The following RANBP2 variants were observed in gnomAD, a reference collection of about 807,000 sequenced individuals.
RANBP2 encodes the protein E3 SUMO-protein ligase RanBP2.
A neutral mutation model predicts 303.6 loss-of-function variants in RANBP2; 57 were observed. The ratio of observed to expected loss-of-function variants is 0.19; its 90% CI spans 0.15 to 0.23. The LOEUF (loss-of-function observed/expected upper bound fraction) is 0.23. Among genes scored for constraint, RANBP2 ranks in the 10% least tolerant of loss-of-function variants. The pLI, the probability that RANBP2 is intolerant of heterozygous loss-of-function variation, is 1.00. For missense variants in RANBP2, 3,138 were observed against 3,780.8 expected (o/e 0.83, Z 4.46); for synonymous variants, 1,167 against 1,301.5 (o/e 0.90, Z 2.23).
the RANBP2 span, among the ~76,000 whole-genome samples, chr2:109,330,296 C>T: frequency 2.0e-5 from 3 of 152,166 alleles, no homozygotes; most frequent in East Asian, 1.9e-4. Context: ...GATGTTATTG[C>T]GAAACTAAAG....
intron 1 of RANBP2, among the ~76,000 whole-genome samples, chr2:108,727,569 T>G (rs2149090609): frequency 6.6e-6 from 1 of 151,814 alleles, no homozygotes. Context: ...ATACTCTTTA[T>G]CACATGGATG....
the RANBP2 span, among the ~76,000 whole-genome samples, chr2:109,495,455 T>G: frequency 6.7e-6 from 1 of 150,220 alleles, no homozygotes; most frequent in Non-Finnish European, 1.5e-5. Flanking sequence ...ACCGGCCATT[T>G]CATCCTGAAT....
At chr2:109,433,985 A>G in the RANBP2 span, among the ~76,000 whole-genome samples, 5 of 152,148 alleles carry the variant, frequency 3.3e-5, no homozygotes, top group Non-Finnish European at 5.9e-5. Context: ...TGACTTGCCC[A>G]GTGTGCGCAG....
chr2:109,361,941 T>C, the RANBP2 span, among the ~76,000 whole-genome samples: 5 of 152,220 alleles, frequency 3.3e-5, no homozygotes, highest in African/African-American at 1.2e-4. Context: ...ATTCCTGATA[T>C]TAGTACTTTG....
the RANBP2 span, among the ~76,000 whole-genome samples, chr2:109,549,500 A>G: frequency 1.3e-5 from 2 of 152,216 alleles, no homozygotes; most frequent in Non-Finnish European, 2.9e-5. Flanking sequence ...TTCCATACAC[A>G]TGAAGCATGC....
At chr2:109,391,800 C>A in the RANBP2 span, among the ~76,000 whole-genome samples, 1 of 152,156 alleles carries the variant, frequency 6.6e-6, no homozygotes, top group Non-Finnish European at 1.5e-5. Flanking sequence ...ATTTGCCTGA[C>A]CCACTTTTCA....
At chr2:108,759,871 TC>T (rs960609057) in intron 18 of RANBP2, among the ~76,000 whole-genome samples, 1 of 152,194 alleles carries the variant, frequency 6.6e-6, no homozygotes, top group Non-Finnish European at 1.5e-5. Context: ...GATCTTCTGT[TC>T]TTATACAAGC....
the RANBP2 span, among the ~76,000 whole-genome samples, chr2:109,093,894 G>T: frequency 6.6e-6 from 1 of 152,186 alleles, no homozygotes; most frequent in Non-Finnish European, 1.5e-5. Flanking sequence ...CCCATTCTGG[G>T]AAAACCTCTG....
chr2:109,047,774 G>A, the RANBP2 span, among the ~76,000 whole-genome samples: 4 of 152,214 alleles, frequency 2.6e-5, no homozygotes, highest in South Asian at 2.1e-4. Context: ...GCGCCATTGC[G>A]CTCCAGCCTG....
the RANBP2 span, among the ~76,000 whole-genome samples, chr2:109,404,660 C>A: frequency 6.6e-6 from 1 of 152,110 alleles, no homozygotes; most frequent in African/African-American, 2.4e-5. Context: ...GCAGAGCTGA[C>A]CCCTCTCCCA....
chr2:109,267,160 C>T, the RANBP2 span, among the ~76,000 whole-genome samples: 22 of 152,168 alleles, frequency 1.4e-4, no homozygotes, highest in African/African-American at 4.8e-4. Flanking sequence ...GAGTTGCTTC[C>T]GATCGGTGAT....
chr2:108,818,981 T>C, the RANBP2 span, among the ~76,000 whole-genome samples: 1 of 152,166 alleles, frequency 6.6e-6, no homozygotes, highest in Non-Finnish European at 1.5e-5. Context: ...TGGAATATTA[T>C]CAAAGAAATT....
the RANBP2 span, among the ~76,000 whole-genome samples, chr2:109,588,398 G>A: frequency 1.9e-4 from 29 of 152,086 alleles, no homozygotes; most frequent in Admixed American, 1.2e-3. Flanking sequence ...ATGTGTTACA[G>A]GTTACATGCA....
chr2:109,119,846 A>G, the RANBP2 span, among the ~76,000 whole-genome samples: 2 of 152,258 alleles, frequency 1.3e-5, no homozygotes, highest in African/African-American at 4.8e-5. Flanking sequence ...ACAAGGAGAT[A>G]CCTCATCAGA....
the RANBP2 span, among the ~76,000 whole-genome samples, chr2:109,355,794 C>A: frequency 6.6e-6 from 1 of 152,296 alleles, no homozygotes; most frequent in Middle Eastern, 3.4e-3. Context: ...ATATACAAAG[C>A]CCATTTGGTG....
the RANBP2 span, among the ~76,000 whole-genome samples, chr2:108,964,172 T>A: frequency 1.3e-5 from 2 of 152,174 alleles, no homozygotes; most frequent in African/African-American, 4.8e-5. Flanking sequence ...CCCTCCCACC[T>A]CCTGAAATGC....
At chr2:108,854,424 A>G in the RANBP2 span, among the ~76,000 whole-genome samples, 1 of 152,034 alleles carries the variant, frequency 6.6e-6, no homozygotes, top group African/African-American at 2.4e-5. Context: ...TTCCACTACA[A>G]TTATTTTTTA....
chr2:109,603,227 CATT>C, the RANBP2 span, among the ~76,000 whole-genome samples: 140 of 151,946 alleles, frequency 9.2e-4, no homozygotes, highest in African/African-American at 3.4e-3. Flanking sequence ...TTATTATTAT[CATT>C]ATTAATATTA....
chr2:109,572,397 C>T, the RANBP2 span, among the ~76,000 whole-genome samples: 1 of 151,728 alleles, frequency 6.6e-6, no homozygotes, highest in Admixed American at 6.6e-5. Flanking sequence ...CCTCCCAAAC[C>T]GCTGGGGTTA....
Sources: gnomAD v4.1 joint callset for allele counts (sites outside exome capture counted in the v4.1 genomes callset) on GRCh38, gnomAD v4.1.1 for gene constraint, MANE v1.5 for transcripts, NCBI Gene and HGNC (gene_info 2026-07-23, HGNC 2026-07-21) for gene names.